Variants in EYS observed in about 807,000 individuals in gnomAD.
EYS encodes EGF-like photoreceptor maintenance factor, also known as protein eyes shut homolog.
Under a neutral mutation model 282.1 loss-of-function variants are expected in EYS, and 250 were observed. That is an observed-to-expected ratio of 0.89 (90% CI 0.80 to 0.98). EYS has a LOEUF of 0.98. Among genes scored for constraint, EYS ranks in the 50% least tolerant of loss-of-function variants. The probability of loss-of-function intolerance (pLI) is 0.00; values close to 1 mark genes in which losing one functional copy is unlikely to be tolerated. For synonymous variants in EYS, 1,355 were observed against 1,282.9 expected (o/e 1.06, Z -1.20); for missense variants, 4,016 against 3,709.0 (o/e 1.08, Z -2.15).
At chr6:64,187,904 T>C (rs1406966408) in intron 31 of EYS, among the ~76,000 whole-genome samples, 1 of 152,076 alleles carries the variant, frequency 6.6e-6, no homozygotes, top group African/African-American at 2.4e-5. Context: ...TTTGAACTTT[T>C]TAATGTTAAC....
At chr6:64,731,383 C>A (rs1771959574) in intron 22 of EYS, among the ~76,000 whole-genome samples, 1 of 152,078 alleles carries the variant, frequency 6.6e-6, no homozygotes, top group Admixed American at 6.6e-5. Context: ...GAACGGGCAG[C>A]CTACAGAATG....
rs1330873850 is a variant in EYS, at chr6:65,235,172, T to G, written c.2023+60691A>C. 2.0e-5 allele frequency among the ~76,000 whole-genome samples: 3 copies of G among 152,302 alleles called. No individual in the cohort carries two copies. The East Asian group carries it at 5.8e-4, about 29-fold the overall frequency. ...TCTGCCTTAAAATATTGGTGGAGAA[T>G]TTTGTAGTTGTGCTATTACAGAGGA... On this transcript the variant is annotated intron_variant, in intron 12 of 42. Coordinates refer to ENST00000503581, the MANE Select transcript of EYS (RefSeq NM_001142800.2).
At chr6:65,460,143 G>T (rs1037616898) in intron 5 of EYS, among the ~76,000 whole-genome samples, 1 of 149,194 alleles carries the variant, frequency 6.7e-6, no homozygotes, top group African/African-American at 2.4e-5. Context: ...AATGGAGAGA[G>T]AAAAAATAAA....
At chr6:65,406,527 T>G (rs1326084440) in intron 5 of EYS, among the ~76,000 whole-genome samples, 1 of 152,128 alleles carries the variant, frequency 6.6e-6, no homozygotes, top group Non-Finnish European at 1.5e-5. Context: ...ATGAAGACAT[T>G]TTAATATATT....
At chr6:64,029,314 G>A (rs369359984) in intron 33 of EYS, among the ~76,000 whole-genome samples, 1 of 152,332 alleles carries the variant, frequency 6.6e-6, no homozygotes, top group Admixed American at 6.5e-5. Context: ...GTAGCAAAAG[G>A]CTGGCCTCAC....
intron 5 of EYS, among the ~76,000 whole-genome samples, chr6:65,466,307 A>T (rs543154962): frequency 4.7e-4 from 72 of 151,856 alleles, no homozygotes; most frequent in Middle Eastern, 3.4e-3. Flanking sequence ...AGTTAAAGAG[A>T]TATTTCATTG....
chr6:64,343,090 C>A (rs1290779863), intron 29 of EYS, among the ~76,000 whole-genome samples: 1 of 152,050 alleles, frequency 6.6e-6, no homozygotes, highest in Non-Finnish European at 1.5e-5. Context: ...GACTTAGACT[C>A]CCACACAATA....
chr6:63,802,111 GTT>G (rs1770795366), intron 37 of EYS, among the ~76,000 whole-genome samples: 1 of 152,236 alleles, frequency 6.6e-6, no homozygotes, highest in East Asian at 1.9e-4. Flanking sequence ...AAATTGTATG[GTT>G]AATAATAACG....
At chr6:64,232,430 C>A (rs1423360903) in intron 30 of EYS, among the ~76,000 whole-genome samples, 2 of 152,064 alleles carry the variant, frequency 1.3e-5, no homozygotes, top group Non-Finnish European at 2.9e-5. Flanking sequence ...ACTCTTATTG[C>A]CGAGGCTGGA....
intron 30 of EYS, among the ~76,000 whole-genome samples, chr6:64,247,430 T>G (rs1240884235): frequency 6.6e-6 from 1 of 152,106 alleles, no homozygotes; most frequent in Admixed American, 6.6e-5. Context: ...AATCTAGACC[T>G]AGACATTACC....
chr6:64,060,833 G>T (rs1020796689), intron 33 of EYS, among the ~76,000 whole-genome samples: 1 of 152,072 alleles, frequency 6.6e-6, no homozygotes, highest in Non-Finnish European at 1.5e-5. Context: ...ATATGTTTGG[G>T]TTTTAGCAAA....
At chr6:65,683,299 T>C (rs1445438123) in intron 1 of EYS, among the ~76,000 whole-genome samples, 4 of 152,018 alleles carry the variant, frequency 2.6e-5, no homozygotes, top group Non-Finnish European at 5.9e-5. Flanking sequence ...TGTCAGTTTC[T>C]GATAAAGGTG....
At chr6:65,615,674 C>G (rs1382646327) in intron 2 of EYS, among the ~76,000 whole-genome samples, 1 of 152,066 alleles carries the variant, frequency 6.6e-6, no homozygotes, top group East Asian at 1.9e-4. Flanking sequence ...GTGGCTCACG[C>G]CTGTAATCCC....
chr6:63,909,302 A>T (rs1163899238), intron 35 of EYS, among the ~76,000 whole-genome samples: 1 of 152,128 alleles, frequency 6.6e-6, no homozygotes, highest in Non-Finnish European at 1.5e-5. Context: ...TTTTCTTCCA[A>T]TTGATCAATC....
At chr6:64,066,018 CTT>C (rs1230519104) in intron 33 of EYS, among the ~76,000 whole-genome samples, 1 of 152,124 alleles carries the variant, frequency 6.6e-6, no homozygotes, top group African/African-American at 2.4e-5. Context: ...AATCCCAAGA[CTT>C]TGGTAGGCCT....
In EYS at chr6:65,559,676, C is replaced by T. The variant is rs191390935; in HGVS notation, c.-332-63683G>A. Among the ~76,000 whole-genome samples the T allele has an allele frequency of 3.8e-3, 571 of 152,040 alleles. 6 individuals are homozygous for T. The highest frequency in any genetic ancestry group is 0.013 in the African/African-American group (519 of 41,502). ...TCATCAAATAAAGTATACAGTTGAG[C>T]GATCTTCTGAATAATTATCATTTAA... On this transcript the variant is annotated intron_variant, in intron 2 of 42. Coordinates refer to ENST00000503581, the MANE Select transcript of EYS (RefSeq NM_001142800.2).
chr6:65,209,853 T>G (rs1420556610), intron 12 of EYS, among the ~76,000 whole-genome samples: 1 of 151,808 alleles, frequency 6.6e-6, no homozygotes, highest in Non-Finnish European at 1.5e-5. Flanking sequence ...GAGAAGTGCA[T>G]TACAGACAAA....
At chr6:65,459,971 TATATA>T (rs1562197915) in intron 5 of EYS, among the ~76,000 whole-genome samples, 310 of 17,248 alleles carry the variant, frequency 0.018, 2 homozygotes, top group East Asian at 0.12. Flanking sequence ...GTGTATTTTA[TATATA>T]TATATATATA....
At chr6:64,085,340 G>GCGCACACCCA (rs112388321) in intron 31 of EYS, among the ~76,000 whole-genome samples, 1 of 139,814 alleles carries the variant, frequency 7.2e-6, no homozygotes, top group Admixed American at 7.0e-5. Context: ...ACGTGCGCGC[G>GCGCACACCCA]CACACACACA....
Sources: gnomAD v4.1 joint callset for allele counts (sites outside exome capture counted in the v4.1 genomes callset) on GRCh38, gnomAD v4.1.1 for gene constraint, MANE v1.5 for transcripts, NCBI Gene and HGNC (gene_info 2026-07-23, HGNC 2026-07-21) for gene names.